The following FAM13A variants were observed in gnomAD, a reference collection of about 807,000 sequenced individuals.
The protein encoded by FAM13A is family with sequence similarity 13 member A, also known as protein FAM13A.
A neutral mutation model predicts 129.6 loss-of-function variants in FAM13A; 76 were observed. The observed-to-expected ratio is 0.59, with a 90% CI of 0.49 to 0.71. The LOEUF is 0.71. Ranked by LOEUF, FAM13A falls within the 30% of genes least tolerant of loss-of-function variation. The pLI is 0.00. For missense variants in FAM13A, 1,108 were observed against 1,249.3 expected (o/e 0.89, Z 1.70); for synonymous variants, 443 against 449.9 (o/e 0.98, Z 0.20).
intron 11 of FAM13A, among the ~76,000 whole-genome samples, chr4:88,771,137 A>G (rs1720592229): frequency 7.2e-6 from 1 of 138,536 alleles, no homozygotes; most frequent in Non-Finnish European, 1.5e-5. Flanking sequence ...GAAGAATGCT[A>G]CAACCCGGAA....
At chr4:89,041,550 C>T (rs1041697047) in intron 1 of FAM13A, among the ~76,000 whole-genome samples, 2 of 117,796 alleles carry the variant, frequency 1.7e-5, no homozygotes, top group Non-Finnish European at 3.6e-5. Context: ...TATGTAAAAG[C>T]ATTTCTCACA....
At position 88,924,872 on chromosome 4, in the gene FAM13A, A is replaced by T. The variant is rs549151989; in HGVS notation, c.759+13216T>A. On this transcript the variant is annotated intron_variant, in intron 5 of 23. Coordinates refer to ENST00000264344, the MANE Select transcript of FAM13A (RefSeq NM_014883.4). ...CAAATTTACAAGAAAAAAACAAACA[A>T]CCCCATCAAAAAGTGGGCAAAGGAT... 7.3e-5 allele frequency among the ~76,000 whole-genome samples: 11 copies of T among 151,384 alleles called. No individual in the cohort carries two copies. The South Asian group carries it at 1.3e-3, about 17-fold the overall frequency.
chr4:88,749,004 C>T lies in FAM13A; in HGVS notation c.2109G>A (p.Pro703=), dbSNP rs3756050. The T allele has an allele frequency of 0.33, 533,166 of 1,611,552 alleles. 100,394 individuals are homozygous for T. Among genetic ancestry groups the T allele is most frequent in the African/African-American group, 0.75 (55,855 of 74,884 alleles). The change falls in exon 17 of 24, where the codon CCG becomes CCA. Residue 703 remains proline, a synonymous_variant. Transcript: ENST00000264344. ...RPSHSDKAAN[P]EVLKWTNDLA... Reference sequence around the variant, plus strand: ...GGTCATTTGTCCATTTCAGAACCTCCGGATTGGCTGCTTTGTCACTGTGGG... The same window carrying T: ...GGTCATTTGTCCATTTCAGAACCTCTGGATTGGCTGCTTTGTCACTGTGGG...
At chr4:88,894,758 G>A (rs749799026) in intron 6 of FAM13A, among the ~76,000 whole-genome samples, 1 of 152,174 alleles carries the variant, frequency 6.6e-6, no homozygotes, top group Admixed American at 6.5e-5. Flanking sequence ...CTGGCCTCAC[G>A]TGATCCACCC....
At chr4:88,927,203 T>A (rs2609284) in intron 5 of FAM13A, among the ~76,000 whole-genome samples, 44,724 of 143,166 alleles carry the variant, frequency 0.31, 7,401 homozygotes, top group Middle Eastern at 0.44. Context: ...CTATGTATAT[T>A]TTTTTTTTTG....
chr4:88,761,095 C>T (rs1744732541), intron 13 of FAM13A, among the ~76,000 whole-genome samples: 1 of 152,168 alleles, frequency 6.6e-6, no homozygotes, highest in South Asian at 2.1e-4. Context: ...GTGGCTCTGA[C>T]ATTTACTAGC....
Position 88,726,301 on chromosome 4 carries a change from A to AGTT in FAM13A, c.*2229_*2231dup, listed in dbSNP as rs967996468. 1 of 142,766 alleles carries AGTT rather than the reference A, an allele frequency of 7.0e-6. No homozygotes were observed. Among genetic ancestry groups the AGTT allele is most frequent in the African/African-American group, 2.6e-5 (1 of 38,710 alleles). The allele number at this position is 142,766 out of a possible 1,614,324, so 8.8% of individuals were successfully genotyped here. ...TGGGCTCCATTCCATGAAGAATATAAGTTAGTTAGTTAGTTAGTGGAAATT... is the reference window on the plus strand; with the variant it reads ...TGGGCTCCATTCCATGAAGAATATAAGTTGTTAGTTAGTTAGTTAGTGGAAATT... On this transcript the variant is annotated 3_prime_UTR_variant, in exon 24 of 24. Coordinates refer to ENST00000264344, the MANE Select transcript of FAM13A (RefSeq NM_014883.4).
chr4:89,031,807 G>GT (rs1414978851), intron 1 of FAM13A, among the ~76,000 whole-genome samples: 1 of 152,138 alleles, frequency 6.6e-6, no homozygotes, highest in East Asian at 1.9e-4. Context: ...TCTAAAATCT[G>GT]TAAGTATGAC....
intron 4 of FAM13A, among the ~76,000 whole-genome samples, chr4:88,946,827 C>A (rs1166113009): frequency 2.0e-5 from 3 of 152,104 alleles, no homozygotes; most frequent in African/African-American, 7.2e-5. Flanking sequence ...TGTCCCCTTA[C>A]AAACTTCCAA....
At chr4:88,996,272 T>G (rs890705448) in intron 3 of FAM13A, among the ~76,000 whole-genome samples, 3 of 152,216 alleles carry the variant, frequency 2.0e-5, no homozygotes, top group African/African-American at 7.2e-5. Flanking sequence ...TGGGGAGACA[T>G]GATCTGCCTG....
At chr4:88,785,709 G>A (rs1207544886) in intron 10 of FAM13A, among the ~76,000 whole-genome samples, 1 of 152,178 alleles carries the variant, frequency 6.6e-6, no homozygotes, top group Admixed American at 6.5e-5. Context: ...GGTCAAAGCT[G>A]GGCCAGACAA....
chr4:88,984,702 T>A (rs1398430879), intron 4 of FAM13A, among the ~76,000 whole-genome samples: 2 of 152,324 alleles, frequency 1.3e-5, no homozygotes, highest in East Asian at 3.9e-4. Flanking sequence ...TTTCTCTTCA[T>A]ATATTTTTGT....
intron 21 of FAM13A, among the ~76,000 whole-genome samples, chr4:88,734,403 G>T (rs1277308036): frequency 6.6e-6 from 1 of 152,160 alleles, no homozygotes; most frequent in African/African-American, 2.4e-5. Context: ...AATACAAAGC[G>T]GGTAGGGATA....
At chr4:89,033,357 G>A (rs920208921) in intron 1 of FAM13A, among the ~76,000 whole-genome samples, 8 of 152,114 alleles carry the variant, frequency 5.3e-5, no homozygotes, top group African/African-American at 1.7e-4. Context: ...TAGGAAGGAA[G>A]ATACTTTTGT....
chr4:88,829,298 G>A (rs1447372680), intron 7 of FAM13A, among the ~76,000 whole-genome samples: 1 of 152,192 alleles, frequency 6.6e-6, no homozygotes, highest in African/African-American at 2.4e-5. Flanking sequence ...AATTAGCAGG[G>A]TATGGTGGTA....
chr4:88,813,458 G>A (rs1188576888), intron 7 of FAM13A, among the ~76,000 whole-genome samples: 1 of 152,158 alleles, frequency 6.6e-6, no homozygotes, highest in Non-Finnish European at 1.5e-5. Context: ...AGTAAATAAA[G>A]TATTTTCAAA....
chr4:88,733,330 T>C (rs1738275255), intron 21 of FAM13A, among the ~76,000 whole-genome samples: 1 of 152,228 alleles, frequency 6.6e-6, no homozygotes, highest in Non-Finnish European at 1.5e-5. Flanking sequence ...AAAGTATTGC[T>C]ATGAAAATAA....
At chr4:89,004,627 C>T (rs371917392) in intron 3 of FAM13A, among the ~76,000 whole-genome samples, 1 of 151,870 alleles carries the variant, frequency 6.6e-6, no homozygotes, top group East Asian at 1.9e-4. Context: ...TGTAAATATT[C>T]GAAAAGAAAG....
intron 3 of FAM13A, among the ~76,000 whole-genome samples, chr4:89,008,292 G>A (rs1240318597): frequency 1.3e-5 from 2 of 152,188 alleles, no homozygotes; most frequent in African/African-American, 2.4e-5. Context: ...AGGCAAGGAA[G>A]GTTAAATGAG....
Sources: gnomAD v4.1 joint callset for allele counts (sites outside exome capture counted in the v4.1 genomes callset) on GRCh38, gnomAD v4.1.1 for gene constraint, MANE v1.5 for transcripts, NCBI Gene and HGNC (gene_info 2026-07-23, HGNC 2026-07-21) for gene names.